The following ARSG variants were observed in gnomAD, a reference collection of about 807,000 sequenced individuals.
The protein encoded by ARSG is ASG.
Under a neutral mutation model 50.5 loss-of-function variants are expected in ARSG, and 37 were observed. The ratio of observed to expected loss-of-function variants is 0.73; its 90% CI spans 0.56 to 0.96. ARSG has a LOEUF of 0.96. Ranked by LOEUF, ARSG falls within the 50% of genes least tolerant of loss-of-function variation. The pLI is 0.00. For missense variants in ARSG, 629 were observed against 675.3 expected (o/e 0.93, Z 0.76); for synonymous variants, 225 against 254.6 (o/e 0.88, Z 1.11).
At chr17:68,391,043 T>C (rs1442832790) in intron 9 of ARSG, among the ~76,000 whole-genome samples, 2 of 151,878 alleles carry the variant, frequency 1.3e-5, no homozygotes, top group Non-Finnish European at 2.9e-5. Flanking sequence ...GGGGAAGCTT[T>C]GAAGTATAGG....
At chr17:68,319,662 A>G (rs1305744890) in intron 2 of ARSG, among the ~76,000 whole-genome samples, 6 of 152,232 alleles carry the variant, frequency 3.9e-5, no homozygotes, top group African/African-American at 1.4e-4. Flanking sequence ...GTCATTCAAC[A>G]GTGAATCTCT....
intron 1 of ARSG, among the ~76,000 whole-genome samples, chr17:68,292,349 C>T (rs1010101903): frequency 2.0e-4 from 31 of 152,248 alleles, no homozygotes; most frequent in African/African-American, 7.5e-4. Context: ...TCCCGTAGTC[C>T]CCGACCCCAA....
chr17:68,326,395 G>A (rs1181669949), intron 2 of ARSG, among the ~76,000 whole-genome samples: 4 of 152,204 alleles, frequency 2.6e-5, no homozygotes, highest in Non-Finnish European at 5.9e-5. Flanking sequence ...AGCCTGGCGC[G>A]GTGGCTCACA....
chr17:68,281,857 T>C (rs1240723715), intron 1 of ARSG, among the ~76,000 whole-genome samples: 1 of 152,080 alleles, frequency 6.6e-6, no homozygotes, highest in Non-Finnish European at 1.5e-5. Context: ...AGTATGGAGC[T>C]TCCTCAAAAA....
At chr17:68,341,923 G>A (rs1171641375) in intron 2 of ARSG, among the ~76,000 whole-genome samples, 1 of 152,002 alleles carries the variant, frequency 6.6e-6, no homozygotes, top group Admixed American at 6.6e-5. Flanking sequence ...CGGTTCAAGC[G>A]ATTCTCCTGC....
chr17:68,271,924 T>C lies in ARSG; in HGVS notation c.-552+12498T>C, dbSNP rs2075353936. ...TTCAAGCGATTCTCCTGCCTCAGCCTCCTGAGTAGCTGGGACTATAGGCGT... is the reference window on the plus strand; with the variant it reads ...TTCAAGCGATTCTCCTGCCTCAGCCCCCTGAGTAGCTGGGACTATAGGCGT... On this transcript the variant is annotated intron_variant, in intron 1 of 11. Transcript: ENST00000448504. The surrounding 1 kb of genome is among the most constrained non-coding windows in gnomAD (Gnocchi z 5.3). 6.6e-6 allele frequency among the ~76,000 whole-genome samples: 1 copy of C among 152,184 alleles called. No individual in the cohort carries two copies. The highest frequency in any genetic ancestry group is 2.1e-4 in the South Asian group (1 of 4,824).
downstream of ARSG, chr17:68,425,987 G>A (rs1203009237): frequency 7.9e-6 from 8 of 1,008,112 alleles, no homozygotes; most frequent in Non-Finnish European, 1.2e-5. Context: ...TAGAAAACAG[G>A]GAAAGGGACT....
At chr17:68,292,917 T>C (rs1405984973) in intron 1 of ARSG, among the ~76,000 whole-genome samples, 1 of 152,158 alleles carries the variant, frequency 6.6e-6, no homozygotes, top group Non-Finnish European at 1.5e-5. Context: ...TCCAGATCTG[T>C]AAAATGGGGA....
chr17:68,297,077 C>A (rs1289661448), intron 1 of ARSG, among the ~76,000 whole-genome samples: 1 of 152,152 alleles, frequency 6.6e-6, no homozygotes, highest in Non-Finnish European at 1.5e-5. Context: ...AATGTCCCTG[C>A]CTTTACAGAG....
At chr17:68,416,833 T>C (rs1187214285) in intron 11 of ARSG, among the ~76,000 whole-genome samples, 2 of 152,236 alleles carry the variant, frequency 1.3e-5, no homozygotes, top group African/African-American at 2.4e-5. Flanking sequence ...CTGTTTTTTC[T>C]TTATTCTATC....
At chr17:68,268,426 TTA>T (rs10539245) in intron 1 of ARSG, 89,893 of 149,654 alleles carry the variant, frequency 0.6, 27,507 homozygotes, top group East Asian at 0.72. Flanking sequence ...GAAGTTCAAG[TTA>T]TATATATATA....
chr17:68,321,492 A>C (rs1326409836), intron 2 of ARSG, among the ~76,000 whole-genome samples: 1 of 152,186 alleles, frequency 6.6e-6, no homozygotes, highest in Non-Finnish European at 1.5e-5. Context: ...AGATTTTAAA[A>C]ACCTATTTTC....
At chr17:68,264,360 A>G (rs57637458) in intron 1 of ARSG, among the ~76,000 whole-genome samples, 28,879 of 152,242 alleles carry the variant, frequency 0.19, 2,798 homozygotes, top group Middle Eastern at 0.29. Flanking sequence ...ATTGGAGTAT[A>G]AAATGTATAA....
chr17:68,450,646 C>T, the ARSG span: 1 of 1,499,502 alleles, frequency 6.7e-7, no homozygotes, highest in Non-Finnish European at 9.0e-7. Context: ...GTTTTACAGA[C>T]ATTGATCTTG....
At chr17:68,336,084 A>G (rs1354668749) in intron 2 of ARSG, among the ~76,000 whole-genome samples, 23 of 143,180 alleles carry the variant, frequency 1.6e-4, no homozygotes, top group South Asian at 4.5e-4. Flanking sequence ...TTTTTAGTAG[A>G]GACGGGGTTT....
chr17:68,401,479 C>T (rs2081470571), intron 11 of ARSG, 29 bp downstream of exon 11: 1 of 1,603,598 alleles, frequency 6.2e-7, no homozygotes, highest in Non-Finnish European at 8.5e-7. Context: ...AGCCCTGCCT[C>T]CCACAGTCAC....
intron 1 of ARSG, among the ~76,000 whole-genome samples, chr17:68,266,259 T>C (rs2075156635): frequency 6.6e-6 from 1 of 151,878 alleles, no homozygotes. Flanking sequence ...TCTTCTGTTA[T>C]TCATTACTTA....
At chr17:68,425,113 G>C (rs1355924865), downstream of ARSG, among the ~76,000 whole-genome samples, 4 of 152,226 alleles carry the variant, frequency 2.6e-5, no homozygotes, top group Non-Finnish European at 5.9e-5. Flanking sequence ...CTAGCTGTGG[G>C]AACAGGCTGA....
chr17:68,370,927 ATATT>A (rs2079807899), intron 8 of ARSG, among the ~76,000 whole-genome samples: 1 of 152,202 alleles, frequency 6.6e-6, no homozygotes, highest in Non-Finnish European at 1.5e-5. Flanking sequence ...CATTCAAAAA[ATATT>A]TAGTGTACAA....
Sources: gnomAD v4.1 joint callset for allele counts (sites outside exome capture counted in the v4.1 genomes callset) on GRCh38, gnomAD v4.1.1 for gene constraint, Gnocchi (gnomAD v3.1) non-coding constraint, MANE v1.5 for transcripts, NCBI Gene and HGNC (gene_info 2026-07-23, HGNC 2026-07-21) for gene names.